The following XPC variants were observed in gnomAD, a reference collection of about 807,000 sequenced individuals.
The protein encoded by XPC is XPC complex subunit, DNA damage recognition and repair factor.
In XPC, 76 loss-of-function variants were observed where a neutral mutation model predicts 95.8. That is an observed-to-expected ratio of 0.79 (90% CI 0.66 to 0.96). The LOEUF is 0.96. XPC is among the 40% of genes least tolerant of loss of function. The pLI is 0.00. For missense variants in XPC, 1,146 were observed against 1,179.8 expected (o/e 0.97, Z 0.42); for synonymous variants, 442 against 442.1 (o/e 1.00, Z 0.00).
At position 14,175,008 on chromosome 3, in the gene XPC, A is replaced by T. The variant is rs146946473; in HGVS notation, c.104-1946T>A. On this transcript the variant is annotated intron_variant, in intron 1 of 15. Transcript: ENST00000285021. The stretch of plus-strand genomic sequence containing the variant: ...GTGGTCTGCTTGCCCATCTACTGGG[A>T]TTTAATAAGAACACCGGAGTAAACC... 5.7e-3 allele frequency among the ~76,000 whole-genome samples: 860 copies of T among 152,096 alleles called. 7 individuals are homozygous for T. Among genetic ancestry groups the T allele is most frequent in the African/African-American group, 0.02 (824 of 41,464 alleles).
At chr3:14,170,048 C>T (rs3731083) in intron 3 of XPC, among the ~76,000 whole-genome samples, 3,181 of 152,274 alleles carry the variant, frequency 0.021, 48 homozygotes, top group Middle Eastern at 0.048. Flanking sequence ...CAGAGTGTTA[C>T]CAATGAGAAA....
At chr3:14,147,149 T>G in intron 15 of XPC, 141 bp downstream of exon 15, 1 of 878,216 alleles carries the variant, frequency 1.1e-6, no homozygotes, top group Non-Finnish European at 1.8e-6. Flanking sequence ...CAAGCGGCCT[T>G]AGAGACAGAA....
intron 4 of XPC, among the ~76,000 whole-genome samples, 194 bp from the exon 5 acceptor site, chr3:14,167,447 T>A (rs1441469702): frequency 6.6e-6 from 1 of 152,034 alleles, no homozygotes; most frequent in Non-Finnish European, 1.5e-5. Flanking sequence ...CCAGCAAACC[T>A]CGGCCTGGGA....
At chr3:14,149,009 C>G in intron 11 of XPC, 61 bp from the exon 12 acceptor site, 1 of 1,601,418 alleles carries the variant, frequency 6.2e-7, no homozygotes, top group Non-Finnish European at 8.5e-7. Flanking sequence ...AGCACCGGGC[C>G]AGGCACCATG....
At position 14,158,567 on chromosome 3, in the gene XPC, G is replaced by A; in HGVS notation, c.1316C>T (p.Ala439Val). The A allele has an allele frequency of 1.2e-6, 2 of 1,613,510 alleles. No homozygotes were observed. Among genetic ancestry groups the A allele is most frequent in the Non-Finnish European group, 1.7e-6 (2 of 1,179,862 alleles). ...GAGCTCAAAATCAGAGCCGCTGCCA[G>A]CCTCATCACTCCCACTCTCCTCTTT... ...SYKEESGSDEAGSGSDFELSS... is the reference protein window; with the variant it reads ...SYKEESGSDEVGSGSDFELSS... Residue 439 changes from alanine (A) to valine (V), a missense_variant, in exon 9 of 16, where the codon GCT becomes GTT. By Grantham distance (64) the Ala-to-Val change is moderately conservative. Transcript: ENST00000285021. The surrounding 1 kb of genome is among the most constrained non-coding windows in gnomAD (Gnocchi z 5.2).
At chr3:14,169,513 A>G (rs1170735311) in intron 3 of XPC, among the ~76,000 whole-genome samples, 1 of 152,246 alleles carries the variant, frequency 6.6e-6, no homozygotes, top group Non-Finnish European at 1.5e-5. Context: ...ACTGCTCTAT[A>G]TTAAGAGAGT....
intron 13 of XPC, 27 bp downstream of exon 13, chr3:14,148,535 A>T: frequency 6.2e-7 from 1 of 1,612,192 alleles, no homozygotes; most frequent in Non-Finnish European, 8.5e-7. Flanking sequence ...CCCTGTGTTT[A>T]GCCTCCATCG....
At chr3:14,159,458 C>T (rs955128463) in intron 8 of XPC, among the ~76,000 whole-genome samples, 4 of 152,056 alleles carry the variant, frequency 2.6e-5, no homozygotes, top group Non-Finnish European at 4.4e-5. Context: ...CAGCACTCCA[C>T]GGAGCAAGCA....
intron 1 of XPC, among the ~76,000 whole-genome samples, chr3:14,177,913 A>G (rs955359388): frequency 1.3e-5 from 2 of 152,222 alleles, no homozygotes; most frequent in Admixed American, 1.3e-4. Flanking sequence ...GGACATAAGA[A>G]AAAGGTGGGC....
rs587778757 is a variant in XPC, at chr3:14,178,517, T to G, written c.52A>C (p.Ser18Arg). 6.2e-7 allele frequency: 1 copy of G among 1,612,914 alleles called. No individual in the cohort carries two copies. The highest frequency in any genetic ancestry group is 2.2e-5 in the East Asian group (1 of 44,874). The change falls in exon 1 of 16, where the codon AGC (serine) becomes CGC (arginine). Residue 18 changes from serine to arginine, a missense_variant. Coordinates refer to ENST00000285021, the MANE Select transcript of XPC (RefSeq NM_004628.5). Reference protein sequence around the residue: ...GGEPRGRELRSQKSKAKSKAR... With the variant: ...GGEPRGRELRRQKSKAKSKAR... The stretch of plus-strand genomic sequence containing the variant: ...TTGCTCTTGGCCTTGGATTTCTGGC[T>G]GCGCAGTTCGCGTCCCCGCGGCTCC...
chr3:14,174,101 A>G (rs1342585039), intron 1 of XPC, among the ~76,000 whole-genome samples: 1 of 152,234 alleles, frequency 6.6e-6, no homozygotes, highest in Non-Finnish European at 1.5e-5. Flanking sequence ...AAATGTTAAT[A>G]AAATTCATAA....
Position 14,164,103 on chromosome 3 carries a change from CA to C in XPC, c.900+709del, listed in dbSNP as rs542838996. 2.2e-3 allele frequency among the ~76,000 whole-genome samples: 329 copies of C among 152,328 alleles called. 2 individuals carry two copies. Among genetic ancestry groups the C allele is most frequent in the African/African-American group, 7.6e-3 (316 of 41,568 alleles). ...TGGCAGCACATTATAACATAATTAT[CA>C]GCCTTGCCAAATATCTTAGACTTGT... On this transcript the variant is annotated intron_variant, in intron 7 of 15. Coordinates refer to ENST00000285021, the MANE Select transcript of XPC (RefSeq NM_004628.5).
intron 13 of XPC, 61 bp from the exon 14 acceptor site, chr3:14,148,062 TC>T: frequency 7.0e-7 from 1 of 1,434,034 alleles, no homozygotes; most frequent in Non-Finnish European, 9.5e-7. Flanking sequence ...CTCTCCTCCC[TC>T]CCCAGTTTGT....
At position 14,147,293 on chromosome 3, in the gene XPC, G is replaced by C. The variant is rs1273772270; in HGVS notation, c.2601C>G (p.Pro867=). 1.2e-6 allele frequency: 2 copies of C among 1,608,914 alleles called. No individual in the cohort carries two copies. The highest frequency in any genetic ancestry group is 1.6e-4 in the Middle Eastern group (1 of 6,076). The stretch of plus-strand genomic sequence containing the variant: ...TCTGCAAAGAACCTGCACTGACCTT[G>C]GGCCCGTAGCGACGCTTCAGCCTCT... ...IRERLKRRYG[P]KSEAAAPHTD... Residue 867 remains proline, a synonymous_variant, in exon 15 of 16, where the codon CCC becomes CCG. Transcript: ENST00000285021.
intron 4 of XPC, among the ~76,000 whole-genome samples, chr3:14,167,822 C>A (rs1017625502): frequency 6.6e-6 from 1 of 152,170 alleles, no homozygotes; most frequent in African/African-American, 2.4e-5. Flanking sequence ...AGGATAGGGG[C>A]TCCCTACCAC....
In XPC at chr3:14,159,708, G is replaced by GCTC. The variant is rs745774896; in HGVS notation, c.990+30_990+32dup. On this transcript the variant is annotated intron_variant, in intron 8 of 15. Transcript: ENST00000285021. The stretch of plus-strand genomic sequence containing the variant: ...TAAGTGTGACAATTTCCTGTCAATT[G>GCTC]CTCCTCTTCTCTGGCAGCCCTGCGC... 7.5e-5 allele frequency: 114 copies of GCTC among 1,528,718 alleles called. No individual in the cohort carries two copies. The East Asian group carries it at 2.7e-3, about 36-fold the overall frequency. The allele number at this position is 1,528,718 out of a possible 1,614,324, so 94.7% of individuals were successfully genotyped here. A position where few individuals can be genotyped will look rare whatever the true frequency, so the allele number is the denominator to read the frequency against.
In XPC at chr3:14,168,279, G is replaced by A; in HGVS notation, c.514C>T (p.Gln172Ter). 1.2e-6 allele frequency: 2 copies of A among 1,613,248 alleles called. No homozygotes were observed. Among genetic ancestry groups the A allele is most frequent in the Non-Finnish European group, 1.7e-6 (2 of 1,179,598 alleles). The change falls in exon 4 of 16, where the codon CAG becomes TAG. Residue 172 changes from glutamine to a stop codon, truncating the protein, a stop_gained. Coordinates refer to ENST00000285021, the MANE Select transcript of XPC (RefSeq NM_004628.5). LOFTEE classifies it high-confidence loss of function. ...PVEIEIETPE[Q>*]AKTRERSEKI... ...TACCTTCTTTCTCTTGTCTTCGCCTGCTCTGGCGTTTCAATCTCTATCTCC... is the reference window on the plus strand; with the variant it reads ...TACCTTCTTTCTCTTGTCTTCGCCTACTCTGGCGTTTCAATCTCTATCTCC...
intron 3 of XPC, among the ~76,000 whole-genome samples, chr3:14,169,764 G>A (rs1041251119): frequency 3.9e-5 from 6 of 152,188 alleles, no homozygotes; most frequent in African/African-American, 1.4e-4. Flanking sequence ...AATATTTACA[G>A]AGAGAAACAT....
At chr3:14,167,344 T>C (rs911972948) in intron 4 of XPC, 91 bp from the exon 5 acceptor site, 6 of 1,106,996 alleles carry the variant, frequency 5.4e-6, no homozygotes, top group African/African-American at 1.6e-5. Context: ...CGGATGACAG[T>C]GAATCACTCT....
Sources: allele counts gnomAD v4.1 joint callset (sites outside exome capture counted in the v4.1 genomes callset), GRCh38; gene constraint gnomAD v4.1.1; non-coding constraint Gnocchi (gnomAD v3.1); transcripts MANE v1.5; gene names NCBI Gene and HGNC (gene_info 2026-07-23, HGNC 2026-07-21).